Variants in ASAP1 observed in about 807,000 individuals in gnomAD.
ASAP1 encodes the protein ArfGAP with SH3 domain, ankyrin repeat and PH domain 1, also known as arf-GAP with SH3 domain, ANK repeat and PH domain-containing protein 1.
Under a neutral mutation model 145.2 loss-of-function variants are expected in ASAP1, and 43 were observed. The observed-to-expected ratio is 0.30, with a 90% CI of 0.23 to 0.38. The LOEUF (loss-of-function observed/expected upper bound fraction) is 0.38. Ranked by LOEUF, ASAP1 falls within the 10% of genes least tolerant of loss-of-function variation. The pLI is 1.00. For synonymous variants in ASAP1, 546 were observed against 515.5 expected (o/e 1.06, Z -0.80); for missense variants, 1,018 against 1,355.3 (o/e 0.75, Z 3.91).
chr8:130,186,383 C>T (rs1047664922), intron 7 of ASAP1, among the ~76,000 whole-genome samples: 4 of 152,076 alleles, frequency 2.6e-5, no homozygotes, highest in African/African-American at 9.7e-5. Context: ...TATCCTGCTG[C>T]TATTGCTGCC....
At chr8:130,412,182 T>G (rs560420976) in intron 1 of ASAP1, among the ~76,000 whole-genome samples, 1 of 152,090 alleles carries the variant, frequency 6.6e-6, no homozygotes, top group Non-Finnish European at 1.5e-5. Flanking sequence ...ATAGAATAAA[T>G]AACAACAGGT....
At chr8:130,231,029 G>A (rs1355320482) in intron 4 of ASAP1, among the ~76,000 whole-genome samples, 1 of 152,138 alleles carries the variant, frequency 6.6e-6, no homozygotes, top group African/African-American at 2.4e-5. Context: ...AAATGAAGTT[G>A]TTTGGTTACA....
At chr8:130,360,482 T>G (rs1009254235) in intron 2 of ASAP1, among the ~76,000 whole-genome samples, 3 of 152,232 alleles carry the variant, frequency 2.0e-5, no homozygotes, top group African/African-American at 7.2e-5. Flanking sequence ...TTGGCTGTAC[T>G]GAACCTGCAC....
chr8:130,117,502 A>G (rs1322158671), intron 20 of ASAP1, among the ~76,000 whole-genome samples: 1 of 152,068 alleles, frequency 6.6e-6, no homozygotes, highest in Non-Finnish European at 1.5e-5. Flanking sequence ...ATGGGTTCAA[A>G]TCCCCTCACT....
chr8:130,170,612 T>G (rs1289865637), intron 9 of ASAP1, among the ~76,000 whole-genome samples: 1 of 152,158 alleles, frequency 6.6e-6, no homozygotes, highest in Non-Finnish European at 1.5e-5. Flanking sequence ...AGAAACCTTA[T>G]TGAAATAAAG....
intron 3 of ASAP1, among the ~76,000 whole-genome samples, chr8:130,241,968 A>G (rs541081374): frequency 1.3e-5 from 2 of 152,230 alleles, no homozygotes; most frequent in South Asian, 4.1e-4. Context: ...TTGGAGCTAA[A>G]TTTTATGTTT....
In ASAP1 at chr8:130,267,485, A is replaced by G. The variant is rs545925053; in HGVS notation, c.187-30491T>C. 5.3e-5 allele frequency among the ~76,000 whole-genome samples: 8 copies of G among 152,360 alleles called. No individual in the cohort carries two copies. The East Asian group carries it at 1.5e-3, about 29-fold the overall frequency. ...ATGAGATGGGAATAAGAATATGATG[A>G]TGATTTTACAGATAAGGAATGTTAA... On this transcript the variant is annotated intron_variant, in intron 3 of 29. Transcript: ENST00000518721.
At chr8:130,167,347 T>A in intron 11 of ASAP1, 189 bp downstream of exon 11, 1 of 716,370 alleles carries the variant, frequency 1.4e-6, no homozygotes, top group African/African-American at 1.8e-5. Flanking sequence ...TGGAATTGGA[T>A]ACCCAGAACA....
At chr8:130,087,299 C>T (rs2097495661) in intron 25 of ASAP1, among the ~76,000 whole-genome samples, 1 of 152,148 alleles carries the variant, frequency 6.6e-6, no homozygotes, top group Non-Finnish European at 1.5e-5. Flanking sequence ...ATGGGTGGAT[C>T]ACTTGAGGTC....
intron 13 of ASAP1, among the ~76,000 whole-genome samples, chr8:130,139,947 C>T (rs1473871620): frequency 6.7e-6 from 1 of 148,710 alleles, no homozygotes; most frequent in East Asian, 2.0e-4. Context: ...AACAAAAAAA[C>T]ACCATACACT....
At chr8:130,407,072 A>T (rs934495149) in intron 1 of ASAP1, among the ~76,000 whole-genome samples, 1 of 152,232 alleles carries the variant, frequency 6.6e-6, no homozygotes, top group African/African-American at 2.4e-5. Context: ...AGAGAACATG[A>T]TTAAAGCACT....
At chr8:130,109,173 C>T (rs968689204) in intron 24 of ASAP1, among the ~76,000 whole-genome samples, 2 of 152,098 alleles carry the variant, frequency 1.3e-5, no homozygotes, top group Non-Finnish European at 2.9e-5. Flanking sequence ...ATTAATTTTA[C>T]AGCTTTGATT....
chr8:130,078,171 G>A (rs906493889), intron 26 of ASAP1, among the ~76,000 whole-genome samples: 1 of 151,930 alleles, frequency 6.6e-6, no homozygotes, highest in African/African-American at 2.4e-5. Flanking sequence ...TGTATTTTTC[G>A]TACAGACGGG....
At chr8:130,243,108 C>T (rs943519701) in intron 3 of ASAP1, among the ~76,000 whole-genome samples, 1 of 152,140 alleles carries the variant, frequency 6.6e-6, no homozygotes, top group East Asian at 1.9e-4. Flanking sequence ...TAACCAGCTG[C>T]AGGCCTCCTC....
chr8:130,215,522 T>C (rs956372508), intron 4 of ASAP1, among the ~76,000 whole-genome samples: 3 of 152,114 alleles, frequency 2.0e-5, no homozygotes, highest in Non-Finnish European at 2.9e-5. Flanking sequence ...GGCGGGCCGA[T>C]CACGAGGTCA....
At chr8:130,292,988 T>C (rs868424828) in intron 3 of ASAP1, among the ~76,000 whole-genome samples, 3 of 152,236 alleles carry the variant, frequency 2.0e-5, no homozygotes, top group Middle Eastern at 3.2e-3. Flanking sequence ...CAGCTCAGTC[T>C]GGGAAGCCAC....
chr8:130,069,172 G>T (rs1198591822), intron 27 of ASAP1, among the ~76,000 whole-genome samples: 1 of 152,210 alleles, frequency 6.6e-6, no homozygotes, highest in Non-Finnish European at 1.5e-5. Context: ...TCCCAGCAGG[G>T]TAGAAATCTT....
chr8:130,220,468 A>C (rs1231478895), intron 4 of ASAP1, among the ~76,000 whole-genome samples: 1 of 152,210 alleles, frequency 6.6e-6, no homozygotes, highest in Admixed American at 6.5e-5. Context: ...TAAATAAGGA[A>C]ATTTAAATTA....
rs545079918 is a variant in ASAP1 at position 130,435,864 on chromosome 8, T to C, written c.-28+7596A>G. 1.1e-3 allele frequency among the ~76,000 whole-genome samples: 174 copies of C among 152,292 alleles called. 2 individuals carry two copies. Among genetic ancestry groups the C allele is most frequent in the Non-Finnish European group, 2.1e-3 (146 of 68,018 alleles). On this transcript the variant is annotated intron_variant, in intron 1 of 29. Coordinates refer to ENST00000518721, the MANE Select transcript of ASAP1 (RefSeq NM_018482.4). The stretch of plus-strand genomic sequence containing the variant: ...TGACTGTGGAATCCACCATACACCA[T>C]TGGTCTGGGGTCAAAATATGGGCCC...
Sources: allele counts gnomAD v4.1 joint callset (sites outside exome capture counted in the v4.1 genomes callset), GRCh38; gene constraint gnomAD v4.1.1; transcripts MANE v1.5; gene names NCBI Gene and HGNC (gene_info 2026-07-23, HGNC 2026-07-21).